Variants in TTC39B observed in about 807,000 individuals in gnomAD.
The protein encoded by TTC39B is tetratricopeptide repeat protein 39B.
In TTC39B, 92 loss-of-function variants were observed where a neutral mutation model predicts 96.6. That is an observed-to-expected ratio of 0.95 (90% CI 0.80 to 1.13). The LOEUF (loss-of-function observed/expected upper bound fraction) is 1.13, where lower values mean the gene tolerates loss of function less well. Ranked by LOEUF, TTC39B falls within the 50% of genes most tolerant of loss-of-function variation. The pLI is 0.00. For missense variants in TTC39B, 955 were observed against 809.3 expected, an observed-to-expected ratio of 1.18 and a Z score of -2.18; for synonymous variants, 367 against 299.4, an observed-to-expected ratio of 1.23 and a Z score of -2.33.
chr9:15,253,646 A>G (rs1822646038), intron 2 of TTC39B, among the ~76,000 whole-genome samples: 1 of 152,218 alleles, frequency 6.6e-6, no homozygotes, highest in Non-Finnish European at 1.5e-5. Context: ...TTGTCTGCTT[A>G]TGTCCCTTTG....
chr9:15,209,636 G>A (rs1242471176), intron 6 of TTC39B, among the ~76,000 whole-genome samples: 1 of 152,122 alleles, frequency 6.6e-6, no homozygotes, highest in African/African-American at 2.4e-5. Flanking sequence ...TAAAATGCAT[G>A]AATCCATATG....
At chr9:15,207,487 T>C (rs1215177) in intron 6 of TTC39B, among the ~76,000 whole-genome samples, 127,094 of 152,046 alleles carry the variant, frequency 0.84, 53,336 homozygotes, top group East Asian at 0.96. Flanking sequence ...TACTTGCCTA[T>C]AGGAGAAAGT....
intron 1 of TTC39B, among the ~76,000 whole-genome samples, chr9:15,293,786 G>A (rs1006932915): frequency 6.6e-6 from 1 of 152,224 alleles, no homozygotes; most frequent in Admixed American, 6.5e-5. Context: ...ACAAGTGGAG[G>A]TGTAAACAGA....
chr9:15,277,542 C>T (rs187377504), intron 1 of TTC39B, among the ~76,000 whole-genome samples: 1 of 152,320 alleles, frequency 6.6e-6, no homozygotes, highest in Admixed American at 6.5e-5. Flanking sequence ...CCTTGGCCAA[C>T]ATGGTGAGAC....
intron 3 of TTC39B, among the ~76,000 whole-genome samples, chr9:15,225,593 A>G (rs994676734): frequency 1.3e-5 from 2 of 151,802 alleles, no homozygotes; most frequent in African/African-American, 4.8e-5. Context: ...ATTTTCCCCA[A>G]TGTTTGGCAG....
Position 15,220,690 on chromosome 9 carries a change from TAA to T in TTC39B, c.371+5225_371+5226del, listed in dbSNP as rs759623165. 1.6e-4 allele frequency among the ~76,000 whole-genome samples: 24 copies of T among 152,116 alleles called. No individual in the cohort carries two copies. In the South Asian group the frequency reaches 2.1e-3, roughly 13 times the overall value. On this transcript the variant is annotated intron_variant, in intron 3 of 19. Transcript: ENST00000512701. ...TTTTTTTTTTCTTTTCATTTCCAAA[TAA>T]TTTCAGGCTTCCAAAAAGTTGGAAA...
At chr9:15,243,439 C>A (rs1384884987) in intron 2 of TTC39B, among the ~76,000 whole-genome samples, 1 of 152,192 alleles carries the variant, frequency 6.6e-6, no homozygotes, top group Non-Finnish European at 1.5e-5. Context: ...TCAGACCCTA[C>A]TCATTAAGGG....
At chr9:15,273,309 A>C (rs1295383214) in intron 1 of TTC39B, among the ~76,000 whole-genome samples, 1 of 152,136 alleles carries the variant, frequency 6.6e-6, no homozygotes, top group Non-Finnish European at 1.5e-5. Flanking sequence ...TCCCTATCTG[A>C]TTTTTAATTC....
At position 15,189,717 on chromosome 9, in the gene TTC39B, G is replaced by A. The variant is rs1228805868; in HGVS notation, c.1173+8C>T. 1.9e-6 allele frequency: 3 copies of A among 1,613,848 alleles called. No homozygotes were observed. Among genetic ancestry groups the A allele is most frequent in the East Asian group, 4.5e-5 (2 of 44,890 alleles). On this transcript the variant is annotated splice_region_variant and intron_variant, in intron 12 of 19. Coordinates refer to ENST00000512701, the Ensembl canonical transcript of TTC39B. ...GTTGAAACATACACTTTGAAATACT[G>A]AGCGTACATTTGGAAACTGCTGGAG...
At chr9:15,266,318 A>C (rs910454924) in intron 2 of TTC39B, among the ~76,000 whole-genome samples, 29 of 152,134 alleles carry the variant, frequency 1.9e-4, no homozygotes, top group African/African-American at 6.5e-4. Context: ...AAAATAAAGA[A>C]AAATTGCAGT....
At position 15,269,862 on chromosome 9, in the gene TTC39B, A is replaced by T. The variant is rs1180295237; in HGVS notation, c.241-1914T>A. 3.4e-5 allele frequency among the ~76,000 whole-genome samples: 3 copies of T among 87,890 alleles called. No homozygotes were observed. In the East Asian group the frequency reaches 1.1e-3, roughly 32 times the overall value. The allele number at this position is 87,890 out of a possible 152,430, so 57.7% of individuals were successfully genotyped here. A position where few individuals can be genotyped will look rare whatever the true frequency, so the allele number is the denominator to read the frequency against. ...AGAGTGAGACTCCGTCTCCAAAAAA[A>T]AAGAAAAAAAAAAAAAGAAGAACCG... On this transcript the variant is annotated intron_variant, in intron 1 of 19. Coordinates refer to ENST00000512701, the Ensembl canonical transcript of TTC39B.
exon 20 of TTC39B, chr9:15,164,985 C>G (rs1227476563): frequency 6.6e-6 from 1 of 152,130 alleles, no homozygotes; most frequent in African/African-American, 2.4e-5. Flanking sequence ...AAAGAAAAAA[C>G]AAAACACTCT....
rs370115364 is a variant in TTC39B at position 15,192,715 on chromosome 9, T to G, written c.825-20A>C. ...CATTCTCTGGGTTGAAGAAAAAAAG[T>G]GACAGCATAAGTTGACCATGACTCT... On this transcript the variant is annotated intron_variant, in intron 8 of 19. Coordinates refer to ENST00000512701, the Ensembl canonical transcript of TTC39B. The G allele has an allele frequency of 1.4e-5, 22 of 1,565,920 alleles. No individual in the cohort carries two copies. The African/African-American group carries it at 2.0e-4, about 14-fold the overall frequency.
chr9:15,279,080 A>G (rs553887060), intron 1 of TTC39B, among the ~76,000 whole-genome samples: 2 of 152,370 alleles, frequency 1.3e-5, no homozygotes, highest in East Asian at 1.9e-4. Context: ...TGAGATTTTA[A>G]CCAATATTAT....
At chr9:15,255,395 G>T (rs975901329) in intron 2 of TTC39B, among the ~76,000 whole-genome samples, 8 of 152,008 alleles carry the variant, frequency 5.3e-5, no homozygotes, top group African/African-American at 1.9e-4. Context: ...AGAGACAAAA[G>T]GGGGAAAGAG....
chr9:15,305,008 T>C (rs148084144), intron 1 of TTC39B, among the ~76,000 whole-genome samples: 143 of 152,278 alleles, frequency 9.4e-4, no homozygotes, highest in Middle Eastern at 3.4e-3. Context: ...TTAAAAACTA[T>C]CAATATCAAA....
intron 1 of TTC39B, among the ~76,000 whole-genome samples, chr9:15,282,334 A>G (rs1490856277): frequency 6.6e-6 from 1 of 152,240 alleles, no homozygotes; most frequent in East Asian, 1.9e-4. Flanking sequence ...CAAATGCAGT[A>G]AAAGGAATTT....
In TTC39B at chr9:15,306,588, G is replaced by A. The variant is rs985458056; in HGVS notation, c.240+496C>T. On this transcript the variant is annotated intron_variant, in intron 1 of 19. Coordinates refer to ENST00000512701, the Ensembl canonical transcript of TTC39B. This position sits in a 1 kb window ranked among gnomAD's most constrained non-coding sequence, Gnocchi z 5.1. ...TACCCCTCTACTCATTGTTCCTCAG[G>A]CTGCCCCCTCTTTTCATCAATCGTA... 6.6e-6 allele frequency among the ~76,000 whole-genome samples: 1 copy of A among 152,182 alleles called. No homozygotes were observed. The highest frequency in any genetic ancestry group is 2.4e-5 in the African/African-American group (1 of 41,454).
rs184423653 is a variant in TTC39B at position 15,193,816 on chromosome 9, T to C, written c.825-1121A>G. On this transcript the variant is annotated intron_variant, in intron 8 of 19. Transcript: ENST00000512701. ...TCTGAATTTAATCATGAAGAAACAT[T>C]AGAAAAGTCCATATTGAAAGATGTT... Among the ~76,000 whole-genome samples, 295 of 152,354 alleles carry C rather than the reference T, an allele frequency of 1.9e-3. 2 individuals are homozygous for C. The highest frequency in any genetic ancestry group is 0.019 in the Admixed American group (291 of 15,302).
Sources: allele counts gnomAD v4.1 joint callset (sites outside exome capture counted in the v4.1 genomes callset), GRCh38; gene constraint gnomAD v4.1.1; non-coding constraint Gnocchi (gnomAD v3.1); transcripts MANE v1.5; gene names NCBI Gene and HGNC (gene_info 2026-07-23, HGNC 2026-07-21).